Variants in NBEA observed in about 807,000 individuals in gnomAD.
NBEA encodes neurobeachin.
A neutral mutation model predicts 343.4 loss-of-function variants in NBEA; 44 were observed. The ratio of observed to expected loss-of-function variants is 0.13; its 90% CI spans 0.10 to 0.16. NBEA has a LOEUF of 0.16. NBEA is among the 10% of genes least tolerant of loss of function. NBEA has a pLI of 1.00. For missense variants in NBEA, 2,555 were observed against 3,631.3 expected, an observed-to-expected ratio of 0.70 and a Z score of 7.62; for synonymous variants, 1,175 against 1,238.7, an observed-to-expected ratio of 0.95 and a Z score of 1.08.
At chr13:35,013,613 T>C (rs566517302) in intron 1 of NBEA, among the ~76,000 whole-genome samples, 3 of 151,816 alleles carry the variant, frequency 2.0e-5, no homozygotes, top group African/African-American at 7.2e-5. Flanking sequence ...TGGGTACAGG[T>C]GTGTGCCACC....
intron 34 of NBEA, among the ~76,000 whole-genome samples, chr13:35,268,581 TAACAC>T (rs2033875909): frequency 6.6e-6 from 1 of 151,994 alleles, no homozygotes; most frequent in Non-Finnish European, 1.5e-5. Flanking sequence ...CTATTAAAAA[TAACAC>T]AAACACGCCA....
chr13:35,502,904 T>G (rs2152981656), intron 41 of NBEA, among the ~76,000 whole-genome samples: 1 of 152,304 alleles, frequency 6.6e-6, no homozygotes, highest in East Asian at 1.9e-4. Context: ...TGGATTTTTT[T>G]TATTAATTAA....
At chr13:35,648,861 G>T (rs2084372300) in intron 51 of NBEA, among the ~76,000 whole-genome samples, 1 of 151,668 alleles carries the variant, frequency 6.6e-6, no homozygotes, top group African/African-American at 2.4e-5. Context: ...GGCCTGTCAT[G>T]GGGGTGGGGG....
intron 38 of NBEA, among the ~76,000 whole-genome samples, chr13:35,386,969 C>T (rs2042271936): frequency 6.6e-6 from 1 of 152,120 alleles, no homozygotes; most frequent in Non-Finnish European, 1.5e-5. Context: ...ACTGATAAAT[C>T]AGCTTGAAAA....
chr13:35,445,820 A>ATATATATATG (rs2045999168), intron 39 of NBEA, among the ~76,000 whole-genome samples: 1 of 134,784 alleles, frequency 7.4e-6, no homozygotes, highest in African/African-American at 2.7e-5. Context: ...ATATATATGT[A>ATATATATATG]TATATATATA....
At chr13:35,539,832 C>T (rs1378355393) in intron 41 of NBEA, among the ~76,000 whole-genome samples, 1 of 139,174 alleles carries the variant, frequency 7.2e-6, no homozygotes, top group Admixed American at 7.9e-5. Flanking sequence ...AGGAGAATGG[C>T]GTGAACCCGG....
chr13:35,321,013 T>C (rs2038099439), intron 36 of NBEA, among the ~76,000 whole-genome samples: 1 of 152,140 alleles, frequency 6.6e-6, no homozygotes, highest in African/African-American at 2.4e-5. Flanking sequence ...TCGAGATTCT[T>C]AGCTTCCTTG....
intron 41 of NBEA, among the ~76,000 whole-genome samples, chr13:35,543,743 T>C (rs2078938963): frequency 6.6e-6 from 1 of 152,198 alleles, no homozygotes; most frequent in Non-Finnish European, 1.5e-5. Flanking sequence ...GAACCTGTAC[T>C]ATCTTATGTT....
chr13:35,116,354 A>C (rs1322901630), intron 13 of NBEA, among the ~76,000 whole-genome samples: 1 of 152,090 alleles, frequency 6.6e-6, no homozygotes, highest in Non-Finnish European at 1.5e-5. Flanking sequence ...TTTCATGATA[A>C]TTCGTTAAGT....
chr13:35,524,451 T>G (rs1440227728), intron 41 of NBEA, among the ~76,000 whole-genome samples: 3 of 152,198 alleles, frequency 2.0e-5, no homozygotes, highest in Non-Finnish European at 4.4e-5. Context: ...GAGTTTTCCA[T>G]TAAGCTCCAC....
chr13:35,641,939 A>C (rs913059650), intron 49 of NBEA, among the ~76,000 whole-genome samples: 2 of 152,216 alleles, frequency 1.3e-5, no homozygotes, highest in Non-Finnish European at 2.9e-5. Context: ...AATAAATAAA[A>C]GTGAATGCAC....
chr13:35,508,489 A>G (rs2077155978), intron 41 of NBEA, among the ~76,000 whole-genome samples: 2 of 152,174 alleles, frequency 1.3e-5, no homozygotes, highest in Non-Finnish European at 2.9e-5. Context: ...TTAATGGCCT[A>G]AACTAGAGTA....
intron 38 of NBEA, among the ~76,000 whole-genome samples, chr13:35,384,864 C>T (rs1229621866): frequency 6.6e-6 from 1 of 152,066 alleles, no homozygotes; most frequent in African/African-American, 2.4e-5. Flanking sequence ...CTTCATTTTG[C>T]AAGTGGACTA....
intron 39 of NBEA, among the ~76,000 whole-genome samples, chr13:35,448,055 C>T (rs1361658273): frequency 2.6e-5 from 4 of 152,116 alleles, no homozygotes; most frequent in Admixed American, 2.6e-4. Flanking sequence ...TGGTGCAGTA[C>T]CATGAAATCA....
chr13:35,100,220 A>G (rs1404390992), intron 11 of NBEA, among the ~76,000 whole-genome samples: 3 of 152,072 alleles, frequency 2.0e-5, no homozygotes, highest in Non-Finnish European at 2.9e-5. Context: ...TATATTTTAT[A>G]TATTACATGT....
chr13:35,370,861 C>G (rs1289731217), intron 38 of NBEA, among the ~76,000 whole-genome samples: 1 of 151,592 alleles, frequency 6.6e-6, no homozygotes, highest in Non-Finnish European at 1.5e-5. Context: ...TTTATTTCTC[C>G]TCCATTTATA....
intron 55 of NBEA, among the ~76,000 whole-genome samples, chr13:35,662,600 G>T (rs548172994): frequency 1.6e-4 from 24 of 152,192 alleles, no homozygotes; most frequent in African/African-American, 5.8e-4. Flanking sequence ...GCTTTCAGGG[G>T]CCCTAAAAAA....
At chr13:35,065,294 G>A (rs2063611000) in intron 8 of NBEA, among the ~76,000 whole-genome samples, 2 of 151,710 alleles carry the variant, frequency 1.3e-5, no homozygotes, top group South Asian at 4.2e-4. Context: ...TTTTTCTCTG[G>A]CATGAGGTAT....
chr13:35,132,351 G>A (rs2067476922), intron 17 of NBEA, among the ~76,000 whole-genome samples: 1 of 151,952 alleles, frequency 6.6e-6, no homozygotes, highest in Admixed American at 6.6e-5. Context: ...GTGGAGATGG[G>A]GTTTCACTAT....
Sources: gnomAD v4.1 joint callset for allele counts (sites outside exome capture counted in the v4.1 genomes callset) on GRCh38, gnomAD v4.1.1 for gene constraint, MANE v1.5 for transcripts, NCBI Gene and HGNC (gene_info 2026-07-23, HGNC 2026-07-21) for gene names.